RXRA: variants seen among roughly 807,000 people sequenced by gnomAD.
The protein encoded by RXRA is retinoid X receptor alpha.
In RXRA, 5 loss-of-function variants were observed where a neutral mutation model predicts 44.5. That is an observed-to-expected ratio of 0.11 (90% CI 0.06 to 0.24). The LOEUF (loss-of-function observed/expected upper bound fraction) is 0.24, where lower values mean the gene tolerates loss of function less well. RXRA is among the 10% of genes least tolerant of loss of function. The probability of loss-of-function intolerance (pLI) is 1.00; values close to 1 mark genes in which losing one functional copy is unlikely to be tolerated. For missense variants in RXRA, 412 were observed against 646.5 expected, an observed-to-expected ratio of 0.64 and a Z score of 3.93; for synonymous variants, 291 against 271.4, an observed-to-expected ratio of 1.07 and a Z score of -0.71.
intron 1 of RXRA, among the ~76,000 whole-genome samples, chr9:134,369,728 C>T (rs999231485): frequency 1.9e-4 from 29 of 152,004 alleles, no homozygotes; most frequent in Admixed American, 2.6e-4. Context: ...TGAGGCCTCT[C>T]GGGTATCCTG....
intron 1 of RXRA, chr9:134,401,254 A>C: frequency 3.2e-6 from 1 of 311,918 alleles, no homozygotes. Context: ...GGAGATGGGC[A>C]GAGGGGCTGA....
In RXRA at chr9:134,366,753, A is replaced by G. The variant is rs906705094; in HGVS notation, c.29-34879A>G. On this transcript the variant is annotated intron_variant, in intron 1 of 9. Coordinates refer to ENST00000481739, the MANE Select transcript of RXRA (RefSeq NM_002957.6). The surrounding 1 kb of genome is among the most constrained non-coding windows in gnomAD (Gnocchi z 5.9). ...AGAAAAGCCATAGACTCTCCACGGA[A>G]AAGGAAGCCTGGCACCCCCCATGTT... 1.3e-5 allele frequency among the ~76,000 whole-genome samples: 2 copies of G among 152,184 alleles called. No individual in the cohort carries two copies. Among genetic ancestry groups the G allele is most frequent in the African/African-American group, 4.8e-5 (2 of 41,440 alleles).
intron 6 of RXRA, chr9:134,424,176 A>G (rs1357433343): frequency 2.0e-6 from 2 of 985,286 alleles, no homozygotes; most frequent in East Asian, 1.1e-4. Context: ...TGTCCCTCTT[A>G]GGTGGGCACC....
In RXRA at chr9:134,433,706, C is replaced by T. The variant is rs1224197978; in HGVS notation, c.1136-396C>T. On this transcript the variant is annotated intron_variant, in intron 8 of 9. Transcript: ENST00000481739. This position sits in a 1 kb window ranked among gnomAD's most constrained non-coding sequence, Gnocchi z 4.2. ...GGGGGCAGCAGCGCTATCTCCCATCCATGTTATGGGGCTGGGACCCAAGGG... is the reference window on the plus strand; with the variant it reads ...GGGGGCAGCAGCGCTATCTCCCATCTATGTTATGGGGCTGGGACCCAAGGG... Among the ~76,000 whole-genome samples the T allele has an allele frequency of 6.6e-6, 1 of 152,160 alleles. No individual in the cohort carries two copies. Among genetic ancestry groups the T allele is most frequent in the African/African-American group, 2.4e-5 (1 of 41,410 alleles).
intron 1 of RXRA, among the ~76,000 whole-genome samples, chr9:134,356,785 A>C (rs1469288636): frequency 1.3e-5 from 2 of 152,196 alleles, no homozygotes; most frequent in Non-Finnish European, 1.5e-5. Flanking sequence ...TGTGCCTCAA[A>C]GTGTTGGGAA....
intron 1 of RXRA, among the ~76,000 whole-genome samples, chr9:134,351,080 C>T (rs782297144): frequency 6.6e-6 from 1 of 152,262 alleles, no homozygotes; most frequent in Non-Finnish European, 1.5e-5. Flanking sequence ...GGTACAAACA[C>T]CGCATTGTGA....
chr9:134,355,167 G>A (rs1172527603), intron 1 of RXRA, among the ~76,000 whole-genome samples: 1 of 152,224 alleles, frequency 6.6e-6, no homozygotes, highest in Non-Finnish European at 1.5e-5. Flanking sequence ...GCACATCTCT[G>A]CTGGCGTTTG....
intron 1 of RXRA, among the ~76,000 whole-genome samples, chr9:134,355,859 G>A (rs566598652): frequency 1.3e-5 from 2 of 152,214 alleles, no homozygotes; most frequent in Admixed American, 1.3e-4. Context: ...TGCATTTTTC[G>A]GAAAGCTCCG....
chr9:134,359,828 A>G (rs1446272405), intron 1 of RXRA, among the ~76,000 whole-genome samples: 2 of 152,106 alleles, frequency 1.3e-5, no homozygotes, highest in Admixed American at 6.5e-5. Flanking sequence ...CCCTGGTCCC[A>G]GCCCGTTTCC....
At chr9:134,390,807 G>C (rs573320016) in intron 1 of RXRA, among the ~76,000 whole-genome samples, 35 of 152,316 alleles carry the variant, frequency 2.3e-4, no homozygotes, top group Non-Finnish European at 4.6e-4. Context: ...TGCCCCGCCA[G>C]TCAGGCCCCT....
At chr9:134,341,998 C>T (rs1554748154) in intron 1 of RXRA, among the ~76,000 whole-genome samples, 2 of 152,152 alleles carry the variant, frequency 1.3e-5, no homozygotes, top group African/African-American at 4.8e-5. Flanking sequence ...TGAAGCCCAA[C>T]CCTGGGGGTA....
intron 1 of RXRA, among the ~76,000 whole-genome samples, chr9:134,359,482 G>A (rs1399514572): frequency 2.6e-5 from 4 of 152,068 alleles, no homozygotes; most frequent in Non-Finnish European, 4.4e-5. Context: ...CCCTCACCTC[G>A]GTGTGAACAT....
rs1185953321 is a variant in RXRA, at chr9:134,433,419, G to C, written c.1136-683G>C. Among the ~76,000 whole-genome samples, 1 of 152,150 alleles carries C rather than the reference G, an allele frequency of 6.6e-6. No individual in the cohort carries two copies. Among genetic ancestry groups the C allele is most frequent in the Non-Finnish European group, 1.5e-5 (1 of 68,022 alleles). On this transcript the variant is annotated intron_variant, in intron 8 of 9. Coordinates refer to ENST00000481739, the MANE Select transcript of RXRA (RefSeq NM_002957.6). This position sits in a 1 kb window ranked among gnomAD's most constrained non-coding sequence, Gnocchi z 4.2. ...CAGGGCACAGGCATGCAGGGAGGGC[G>C]AGGAGACTGGCTGGAGCGGAGGCAG...
chr9:134,388,156 TA>T (rs1189689413), intron 1 of RXRA, among the ~76,000 whole-genome samples: 1 of 152,064 alleles, frequency 6.6e-6, no homozygotes, highest in Non-Finnish European at 1.5e-5. Flanking sequence ...GAGTTTGTAT[TA>T]AGTTACTTTT....
intron 1 of RXRA, among the ~76,000 whole-genome samples, chr9:134,355,668 C>T (rs540855549): frequency 2.6e-5 from 4 of 152,170 alleles, no homozygotes; most frequent in South Asian, 4.1e-4. Context: ...ACCCAGAGGC[C>T]GGGGAGCTGT....
intron 1 of RXRA, among the ~76,000 whole-genome samples, chr9:134,370,425 G>A (rs1830477509): frequency 6.6e-6 from 1 of 152,196 alleles, no homozygotes; most frequent in South Asian, 2.1e-4. Flanking sequence ...TCCTCACCTC[G>A]GGACCCCACA....
At chr9:134,335,229 C>T (rs947367811) in intron 1 of RXRA, among the ~76,000 whole-genome samples, 2 of 152,198 alleles carry the variant, frequency 1.3e-5, no homozygotes, top group Non-Finnish European at 1.5e-5. Flanking sequence ...GATGAGTGAG[C>T]GCCCCTCTGA....
At chr9:134,396,639 GCTCCTCC>G (rs999713021) in intron 1 of RXRA, among the ~76,000 whole-genome samples, 1 of 152,124 alleles carries the variant, frequency 6.6e-6, no homozygotes, top group African/African-American at 2.4e-5. Context: ...CGCAGGCCGA[GCTCCTCC>G]CTCCTCCCGG....
chr9:134,436,303 C>A (rs1369878464), intron 9 of RXRA, among the ~76,000 whole-genome samples, 164 bp from the exon 10 acceptor site: 2 of 152,214 alleles, frequency 1.3e-5, no homozygotes, highest in East Asian at 3.9e-4. Flanking sequence ...TTCTAGCCTC[C>A]CCTCCTTCCT....
Sources: gnomAD v4.1 joint callset for allele counts (sites outside exome capture counted in the v4.1 genomes callset) on GRCh38, gnomAD v4.1.1 for gene constraint, Gnocchi (gnomAD v3.1) non-coding constraint, MANE v1.5 for transcripts, NCBI Gene and HGNC (gene_info 2026-07-23, HGNC 2026-07-21) for gene names.